Variants in SPHKAP observed in about 807,000 individuals in gnomAD.
SPHKAP encodes the protein A-kinase anchor protein SPHKAP.
Under a neutral mutation model 137.5 loss-of-function variants are expected in SPHKAP, and 67 were observed. That is an observed-to-expected ratio of 0.49 (90% CI 0.40 to 0.60). The LOEUF (loss-of-function observed/expected upper bound fraction) is 0.60. Among genes scored for constraint, SPHKAP ranks in the 20% least tolerant of loss-of-function variants. The pLI is 0.00. For synonymous variants in SPHKAP, 813 were observed against 785.3 expected (o/e 1.04, Z -0.59); for missense variants, 2,097 against 2,069.3 (o/e 1.01, Z -0.26).
rs866345199 is a variant in SPHKAP, at chr2:228,027,971, A to G, written c.247-428T>C. 1.3e-5 allele frequency: 13 copies of G among 973,604 alleles called. No individual in the cohort carries two copies. The South Asian group carries it at 5.7e-4, about 43-fold the overall frequency. The allele number at this position is 973,604 out of a possible 1,614,324, so 60.3% of individuals were successfully genotyped here. On this transcript the variant is annotated intron_variant, in intron 3 of 11. Coordinates refer to ENST00000392056, the MANE Select transcript of SPHKAP (RefSeq NM_001142644.2). ...GTGAGACTGCATCTGAAAAAAAAAAAAAAAAGAAAAAAGAAAAAAAGAAAT... is the reference window on the plus strand; with the variant it reads ...GTGAGACTGCATCTGAAAAAAAAAAGAAAAAGAAAAAAGAAAAAAAGAAAT...
intron 3 of SPHKAP, chr2:228,027,960 GAAAAAA>G (rs113514692): frequency 3.0e-5 from 24 of 805,308 alleles, no homozygotes; most frequent in East Asian, 1.4e-4. Flanking sequence ...GACTGCATCT[GAAAAAA>G]AAAAAAAAAA....
intron 3 of SPHKAP, among the ~76,000 whole-genome samples, chr2:228,074,328 G>T (rs1054709254): frequency 6.6e-6 from 1 of 152,180 alleles, no homozygotes; most frequent in African/African-American, 2.4e-5. Flanking sequence ...TGCTAATACA[G>T]ATATACCTGA....
At chr2:228,062,449 T>C (rs1696682866) in intron 3 of SPHKAP, among the ~76,000 whole-genome samples, 1 of 152,146 alleles carries the variant, frequency 6.6e-6, no homozygotes, top group African/African-American at 2.4e-5. Flanking sequence ...TCTTTAATGT[T>C]GCATGTACTC....
chr2:228,124,515 T>C (rs978584166), intron 2 of SPHKAP, among the ~76,000 whole-genome samples: 15 of 138,610 alleles, frequency 1.1e-4, no homozygotes, highest in African/African-American at 3.3e-4. Context: ...TTCTCACTCA[T>C]AGGTGGGAAT....
chr2:228,016,077 T>C lies in SPHKAP; in HGVS notation c.4448+329A>G, dbSNP rs564724785. Among the ~76,000 whole-genome samples the C allele has an allele frequency of 5.3e-5, 8 of 152,298 alleles. No homozygotes were observed. The South Asian group carries it at 1.7e-3, about 32-fold the overall frequency. ...GAATGATATCTTACTTCTTTGGTTA[T>C]ATAGATGAGTTTAGTTAGTTTTGGA... On this transcript the variant is annotated intron_variant, in intron 7 of 11. Coordinates refer to ENST00000392056, the MANE Select transcript of SPHKAP (RefSeq NM_001142644.2).
At chr2:228,031,854 A>G (rs1695338881) in intron 3 of SPHKAP, among the ~76,000 whole-genome samples, 1 of 152,222 alleles carries the variant, frequency 6.6e-6, no homozygotes, top group South Asian at 2.1e-4. Context: ...TAACGAACAG[A>G]AAGGACATCC....
intron 1 of SPHKAP, among the ~76,000 whole-genome samples, chr2:228,164,207 TA>T (rs35867399): frequency 0.13 from 20,536 of 152,148 alleles, 1,396 homozygotes; most frequent in East Asian, 0.2. Context: ...CCCTTGGACT[TA>T]ACACCAGTGG....
chr2:228,115,390 C>T lies in SPHKAP; in HGVS notation c.139-6451G>A, dbSNP rs1245809128. ...CCAGTGCCTGAAAGAAACCTGACTTCCTGACTTCCCTATTTGCAGTTGATA... is the reference window on the plus strand; with the variant it reads ...CCAGTGCCTGAAAGAAACCTGACTTTCTGACTTCCCTATTTGCAGTTGATA... On this transcript the variant is annotated intron_variant, in intron 2 of 11. Transcript: ENST00000392056. Among the ~76,000 whole-genome samples the T allele has an allele frequency of 3.3e-5, 5 of 152,200 alleles. No homozygotes were observed. In the East Asian group the frequency reaches 5.8e-4, roughly 18 times the overall value.
chr2:228,056,883 T>C (rs767022195), intron 3 of SPHKAP, among the ~76,000 whole-genome samples: 4 of 152,168 alleles, frequency 2.6e-5, no homozygotes, highest in Non-Finnish European at 4.4e-5. Context: ...TTCCTGAGAG[T>C]AGCCTGGATG....
intron 3 of SPHKAP, among the ~76,000 whole-genome samples, chr2:228,040,130 A>C (rs578150419): frequency 6.6e-6 from 1 of 152,310 alleles, no homozygotes; most frequent in South Asian, 2.1e-4. Flanking sequence ...AAATCTAGGC[A>C]TTTGAATGTT....
chr2:228,163,153 G>A (rs12465409), intron 1 of SPHKAP, among the ~76,000 whole-genome samples: 21,812 of 152,020 alleles, frequency 0.14, 1,599 homozygotes, highest in East Asian at 0.2. Flanking sequence ...ATTGCATGTC[G>A]GTGAGCAACT....
chr2:228,139,645 C>T (rs964363986), intron 1 of SPHKAP, among the ~76,000 whole-genome samples: 1 of 152,006 alleles, frequency 6.6e-6, no homozygotes, highest in Non-Finnish European at 1.5e-5. Flanking sequence ...TCCTTCATTC[C>T]GAAAAAGTAT....
At chr2:228,041,766 A>G (rs1695859524) in intron 3 of SPHKAP, among the ~76,000 whole-genome samples, 1 of 151,962 alleles carries the variant, frequency 6.6e-6, no homozygotes, top group Admixed American at 6.6e-5. Flanking sequence ...TACAGTGCAG[A>G]TTTGCTGAAT....
chr2:228,113,867 C>T lies in SPHKAP; in HGVS notation c.139-4928G>A, dbSNP rs567807244. On this transcript the variant is annotated intron_variant, in intron 2 of 11. Coordinates refer to ENST00000392056, the MANE Select transcript of SPHKAP (RefSeq NM_001142644.2). ...TTTCTCAAATAGTATGCATTGAGAG[C>T]CAAATAAGTAAAAGAGAATAAAAAT... 3.3e-5 allele frequency among the ~76,000 whole-genome samples: 5 copies of T among 152,130 alleles called. No individual in the cohort carries two copies. The South Asian group carries it at 1.0e-3, about 32-fold the overall frequency.
rs11322966 is a variant in SPHKAP at position 228,078,380 on chromosome 2, CTTTTTTT to C, written c.246+30445_246+30451del. Among the ~76,000 whole-genome samples, 125 of 128,202 alleles carry C rather than the reference CTTTTTTT, an allele frequency of 9.8e-4. 1 individual carries two copies. The highest frequency in any genetic ancestry group is 3.0e-4 in the Non-Finnish European group (18 of 60,282). 84.1% of individuals were successfully genotyped at this position (128,202 alleles called of 152,430 possible). Reference sequence around the variant, plus strand: ...TTGCTCTAGAACAGATGTTGGCAGACTTTTTTTTTTTTTTTTTTTGTAAGGGACCATG... The same window carrying C: ...TTGCTCTAGAACAGATGTTGGCAGACTTTTTTTTTTTTGTAAGGGACCATG... On this transcript the variant is annotated intron_variant, in intron 3 of 11. Coordinates refer to ENST00000392056, the MANE Select transcript of SPHKAP (RefSeq NM_001142644.2).
At chr2:228,075,650 A>C (rs1697156147) in intron 3 of SPHKAP, among the ~76,000 whole-genome samples, 1 of 152,304 alleles carries the variant, frequency 6.6e-6, no homozygotes, top group Non-Finnish European at 1.5e-5. Flanking sequence ...ATGATGCCGG[A>C]TTACTCTTCA....
intron 3 of SPHKAP, among the ~76,000 whole-genome samples, chr2:228,045,848 G>A (rs939972829): frequency 2.0e-5 from 3 of 152,038 alleles, no homozygotes; most frequent in Non-Finnish European, 4.4e-5. Context: ...TCATTTATAC[G>A]TGAAATCTAA....
At chr2:228,119,403 A>G (rs565903619) in intron 2 of SPHKAP, among the ~76,000 whole-genome samples, 26 of 150,792 alleles carry the variant, frequency 1.7e-4, no homozygotes, top group African/African-American at 6.3e-4. Context: ...CACTGGCTTA[A>G]TTAATGCTTA....
intron 3 of SPHKAP, among the ~76,000 whole-genome samples, chr2:228,088,356 T>C (rs928843030): frequency 1.4e-4 from 22 of 152,192 alleles, no homozygotes; most frequent in African/African-American, 4.1e-4. Flanking sequence ...GTGTTATGTA[T>C]ACCATGTATT....
Sources: gnomAD v4.1 joint callset for allele counts (sites outside exome capture counted in the v4.1 genomes callset) on GRCh38, gnomAD v4.1.1 for gene constraint, MANE v1.5 for transcripts, NCBI Gene and HGNC (gene_info 2026-07-23, HGNC 2026-07-21) for gene names.